Variants in ULK1 observed in about 807,000 individuals in gnomAD.
ULK1 encodes serine/threonine-protein kinase ULK1.
ULK1 carries 48 observed loss-of-function variants against 117.5 expected under a neutral mutation model. The observed-to-expected ratio is 0.41, with a 90% CI of 0.32 to 0.52. The LOEUF is 0.52. ULK1 is among the 20% of genes least tolerant of loss of function. The pLI is 0.29. For missense variants in ULK1, 1,387 were observed against 1,473.4 expected (o/e 0.94, Z 0.96); for synonymous variants, 790 against 637.8 (o/e 1.24, Z -3.60).
In ULK1 at chr12:131,902,907, G is replaced by A. The variant is rs147223279; in HGVS notation, c.247-3985G>A. 8.5e-5 allele frequency among the ~76,000 whole-genome samples: 13 copies of A among 152,150 alleles called. No individual in the cohort carries two copies. Among genetic ancestry groups the A allele is most frequent in the Non-Finnish European group, 8.8e-5 (6 of 68,008 alleles). ...GTGACTTGATTCTGGGAGCTTGCCC[G>A]GTCCCCACTGCCCAGGGTAGCTTGT... On this transcript the variant is annotated intron_variant, in intron 3 of 27. Coordinates refer to ENST00000321867, the MANE Select transcript of ULK1 (RefSeq NM_003565.4). The surrounding 1 kb of genome is among the most constrained non-coding windows in gnomAD (Gnocchi z 6.3).
intron 3 of ULK1, among the ~76,000 whole-genome samples, chr12:131,906,178 T>C (rs1039155724): frequency 6.6e-6 from 1 of 151,824 alleles, no homozygotes; most frequent in Non-Finnish European, 1.5e-5. Flanking sequence ...ACTGCAGCCT[T>C]CTCCTCCCGG....
intron 14 of ULK1, among the ~76,000 whole-genome samples, 189 bp downstream of exon 14, chr12:131,913,447 G>A (rs1889631416): frequency 6.6e-6 from 1 of 151,674 alleles, no homozygotes; most frequent in East Asian, 1.9e-4. Flanking sequence ...TGTAATCCCA[G>A]CACTTTGGGA....
chr12:131,917,607 C>T, intron 22 of ULK1, 53 bp downstream of exon 22: 1 of 1,327,208 alleles, frequency 7.5e-7, no homozygotes, highest in Non-Finnish European at 9.7e-7. Flanking sequence ...TGGCAGCGCC[C>T]TAGCGGACGG....
chr12:131,915,926 G>A lies in ULK1; in HGVS notation c.1645G>A (p.Gly549Arg), dbSNP rs752880506. ...ACCCGAGCACTCTCCCCGCACTTCC[G>A]GGCTGGGCTGCCGCCTGCACAGCGC... ...SAPEHSPRTSGLGCRLHSAPN... is the reference protein window; with the variant it reads ...SAPEHSPRTSRLGCRLHSAPN... The change falls in exon 19 of 28, where the codon GGG becomes AGG. Residue 549 changes from glycine (G) to arginine (R), a missense_variant. Around this residue, in one of 4 missense-constraint regions of ULK1, gnomAD observed 900 missense variants for 858.9 expected, o/e 1.05. Transcript: ENST00000321867. The A allele has an allele frequency of 1.2e-5, 19 of 1,612,054 alleles. No individual in the cohort carries two copies. The highest frequency in any genetic ancestry group is 5.3e-5 in the African/African-American group (4 of 74,882).
Position 131,903,296 on chromosome 12 carries a change from C to T in ULK1, c.247-3596C>T, listed in dbSNP as rs1201706547. ...TTGGAGACAGCAAGGCTAGGTCCTT[C>T]CGGGGACACAGAGGGTGACTGGCTT... On this transcript the variant is annotated intron_variant, in intron 3 of 27. Transcript: ENST00000321867. The surrounding 1 kb of genome is among the most constrained non-coding windows in gnomAD (Gnocchi z 6.0). 6.6e-6 allele frequency among the ~76,000 whole-genome samples: 1 copy of T among 152,208 alleles called. No individual in the cohort carries two copies. Among genetic ancestry groups the T allele is most frequent in the Non-Finnish European group, 1.5e-5 (1 of 68,036 alleles).
rs1344444670 is a variant in ULK1, at chr12:131,913,805, C to G, written c.1216C>G (p.Pro406Ala). The G allele has an allele frequency of 1.3e-6, 2 of 1,573,340 alleles. No homozygotes were observed. Among genetic ancestry groups the G allele is most frequent in the Non-Finnish European group, 1.7e-6 (2 of 1,158,904 alleles). ...CCACGGCCGGACCCCATCTCCATCC[C>G]CACCCTGCAGCAGCTCCCCCAGTCC... ...ESHGRTPSPS[P>A]PCSSSPSPSG... Residue 406 changes from proline to alanine, a missense_variant, in exon 15 of 28, where the codon CCA becomes GCA. By Grantham distance (27) the Pro-to-Ala change is conservative. Around this residue, in one of 4 missense-constraint regions of ULK1, gnomAD observed 260 missense variants for 271.6 expected, o/e 0.96. Transcript: ENST00000321867.
At chr12:131,908,571 G>GGCCTGGCTGC in intron 5 of ULK1, 73 bp from the exon 6 acceptor site, 1 of 1,404,350 alleles carries the variant, frequency 7.1e-7, no homozygotes, top group Non-Finnish European at 9.2e-7. Flanking sequence ...TGGCGGGACC[G>GGCCTGGCTGC]GCCTGGCTGC....
At chr12:131,919,872 G>C in intron 25 of ULK1, 107 bp from the exon 26 acceptor site, 1 of 1,468,910 alleles carries the variant, frequency 6.8e-7, no homozygotes, top group Non-Finnish European at 9.2e-7. Context: ...CAGGGCTGTG[G>C]CAGGGAGGGA....
rs1566123748 is a variant in ULK1 at position 131,915,089 on chromosome 12, T to A, written c.1380T>A (p.Ser460=). Residue 460 remains serine (S), a synonymous_variant, in exon 17 of 28, where the codon TCT becomes TCA. Transcript: ENST00000321867. The part of the protein sequence containing the change: ...SPTQFQTPRS[S]AIRRSGSTSP... ...ATATCTGCCTTGTCTTCAGGTCCTC[T>A]GCCATCCGCAGGTCAGGCAGCACCA... 1 of 1,547,010 alleles carries A rather than the reference T, an allele frequency of 6.5e-7. No homozygotes were observed. Among genetic ancestry groups the A allele is most frequent in the Admixed American group, 2.0e-5 (1 of 49,300 alleles).
At chr12:131,896,645 G>GT (rs1888885531) in intron 3 of ULK1, 1 of 151,802 alleles carries the variant, frequency 6.6e-6, no homozygotes. Flanking sequence ...GTGCCGGGTG[G>GT]GGGGGGCCCA....
intron 12 of ULK1, 70 bp downstream of exon 12, chr12:131,910,870 C>T: frequency 1.3e-6 from 2 of 1,596,542 alleles, no homozygotes; most frequent in Admixed American, 3.4e-5. Context: ...AGCCCTGGGC[C>T]CCCGCGGGGA....
rs564131774 is a variant in ULK1 at position 131,917,569 on chromosome 12, G to C, written c.2326+15G>C. The stretch of plus-strand genomic sequence containing the variant: ...GATGTTCTCAGGTGAGGGCTGGCTA[G>C]GCTGAAGCCCTGTCCCTTTTGGGGT... On this transcript the variant is annotated intron_variant, in intron 22 of 27. Transcript: ENST00000321867. 4 of 1,405,902 alleles carry C rather than the reference G, an allele frequency of 2.8e-6. No homozygotes were observed. Among genetic ancestry groups the C allele is most frequent in the South Asian group, 3.4e-5 (2 of 58,438 alleles). 87.1% of individuals were successfully genotyped at this position (1,405,902 alleles called of 1,614,324 possible).
Position 131,903,056 on chromosome 12 carries a change from C to T in ULK1, c.247-3836C>T, listed in dbSNP as rs1889146942. Among the ~76,000 whole-genome samples, 1 of 152,156 alleles carries T rather than the reference C, an allele frequency of 6.6e-6. No individual in the cohort carries two copies. The highest frequency in any genetic ancestry group is 2.4e-5 in the African/African-American group (1 of 41,440). On this transcript the variant is annotated intron_variant, in intron 3 of 27. Transcript: ENST00000321867. The surrounding 1 kb of genome is among the most constrained non-coding windows in gnomAD (Gnocchi z 6.0). ...TGGGCCCAGGGGAGGTCAGCTGTGG[C>T]CGGTGAGGCTGTGCTCTCACCTGAC...
rs1007173602 is a variant in ULK1, at chr12:131,909,724, TG to T, written c.667-49del. 8 of 1,515,630 alleles carry T rather than the reference TG, an allele frequency of 5.3e-6. No individual in the cohort carries two copies. In the African/African-American group the frequency reaches 1.1e-4, roughly 21 times the overall value. The allele number at this position is 1,515,630 out of a possible 1,614,324, so 93.9% of individuals were successfully genotyped here. Reference sequence around the variant, plus strand: ...ACGAACGCACCGAGACCCCGTGGGCTGGTCCCGCTCGGCCGCAGCCCTGGCA... The same window carrying T: ...ACGAACGCACCGAGACCCCGTGGGCTGTCCCGCTCGGCCGCAGCCCTGGCA... On this transcript the variant is annotated intron_variant, in intron 8 of 27. Transcript: ENST00000321867.
At chr12:131,899,934 A>G (rs573858060) in intron 3 of ULK1, among the ~76,000 whole-genome samples, 13 of 152,246 alleles carry the variant, frequency 8.5e-5, no homozygotes, top group African/African-American at 2.4e-4. Context: ...CCTGGCCAAC[A>G]TGGTGAAACC....
intron 1 of ULK1, 69 bp downstream of exon 1, chr12:131,895,181 T>G: frequency 8.9e-7 from 1 of 1,121,678 alleles, no homozygotes; most frequent in African/African-American, 1.9e-5. Flanking sequence ...GCCCCGAGAT[T>G]CCCCGCCTGT....
At chr12:131,908,488 G>A (rs1188961388) in intron 5 of ULK1, 156 bp from the exon 6 acceptor site, 7 of 861,568 alleles carry the variant, frequency 8.1e-6, no homozygotes, top group Non-Finnish European at 9.8e-6. Context: ...TCGGCGGCCC[G>A]TGGTGGCTTG....
At chr12:131,909,461 CTCGCCTGTCTGG>C (rs930401769) in intron 8 of ULK1, among the ~76,000 whole-genome samples, 8 of 152,144 alleles carry the variant, frequency 5.3e-5, no homozygotes, top group South Asian at 2.1e-4. Flanking sequence ...CAAGGCCTCC[CTCGCCTGTCTGG>C]TCGCCTGTCT....
chr12:131,909,341 C>T (rs1889418027), intron 8 of ULK1, 104 bp downstream of exon 8: 2 of 1,298,942 alleles, frequency 1.5e-6, no homozygotes, highest in Non-Finnish European at 1.0e-6. Context: ...CCACGAGCTC[C>T]CCTCGGGTCC....
Sources: gnomAD v4.1 joint callset for allele counts (sites outside exome capture counted in the v4.1 genomes callset) on GRCh38, gnomAD v4.1.1 for gene constraint, gnomAD v4.1.1 regional missense constraint, Gnocchi (gnomAD v3.1) non-coding constraint, MANE v1.5 for transcripts, NCBI Gene and HGNC (gene_info 2026-07-23, HGNC 2026-07-21) for gene names.